Variants in SEC24B observed in about 807,000 individuals in gnomAD.
The protein encoded by SEC24B is protein transport protein Sec24B.
A neutral mutation model predicts 142.8 loss-of-function variants in SEC24B; 45 were observed. The ratio of observed to expected loss-of-function variants is 0.32; its 90% CI spans 0.25 to 0.40. The LOEUF is 0.40. Ranked by LOEUF, SEC24B falls within the 10% of genes least tolerant of loss-of-function variation. The pLI is 1.00. For synonymous variants in SEC24B, 574 were observed against 568.2 expected, an observed-to-expected ratio of 1.01 and a Z score of -0.15; for missense variants, 1,409 against 1,526.8, an observed-to-expected ratio of 0.92 and a Z score of 1.29.
At chr4:109,492,430 A>G (rs191834119) in intron 5 of SEC24B, among the ~76,000 whole-genome samples, 1 of 152,206 alleles carries the variant, frequency 6.6e-6, no homozygotes, top group African/African-American at 2.4e-5. Flanking sequence ...ATAGTATCCC[A>G]TGAGCTCTAG....
At position 109,483,062 on chromosome 4, in the gene SEC24B, A is replaced by G. The variant is rs796451219; in HGVS notation, c.1165+1281A>G. On this transcript the variant is annotated intron_variant, in intron 4 of 23. Transcript: ENST00000265175. The stretch of plus-strand genomic sequence containing the variant: ...TATATATGTATTTATGTATTTATAT[A>G]TATATATATATGTATGTATATATAT... Among the ~76,000 whole-genome samples, 11 of 132,778 alleles carry G rather than the reference A, an allele frequency of 8.3e-5. No homozygotes were observed. The South Asian group carries it at 1.1e-3, about 14-fold the overall frequency. 87.1% of individuals were successfully genotyped at this position (132,778 alleles called of 152,430 possible).
intron 7 of SEC24B, among the ~76,000 whole-genome samples, chr4:109,506,970 G>A (rs759402628): frequency 2.0e-5 from 3 of 152,010 alleles, no homozygotes; most frequent in Non-Finnish European, 4.4e-5. Flanking sequence ...TCAATATAGA[G>A]TATGAAGACC....
At chr4:109,471,854 C>T (rs1561100500) in intron 2 of SEC24B, among the ~76,000 whole-genome samples, 1 of 152,130 alleles carries the variant, frequency 6.6e-6, no homozygotes, top group African/African-American at 2.4e-5. Flanking sequence ...GACTTGTACA[C>T]TTTTATTTCT....
intron 6 of SEC24B, among the ~76,000 whole-genome samples, chr4:109,500,653 A>G (rs991751483): frequency 2.0e-5 from 3 of 152,076 alleles, no homozygotes; most frequent in Admixed American, 6.6e-5. Context: ...ATTACAGAAG[A>G]AAGAAAAATT....
chr4:109,452,701 C>G (rs1173795221), intron 1 of SEC24B, among the ~76,000 whole-genome samples: 2 of 152,130 alleles, frequency 1.3e-5, no homozygotes, highest in African/African-American at 4.8e-5. Context: ...TGGTGATTAT[C>G]TTTTCAGATG....
At position 109,499,150 on chromosome 4, in the gene SEC24B, C is replaced by T. The variant is rs1361889693; in HGVS notation, c.1488+4294C>T. The stretch of plus-strand genomic sequence containing the variant: ...GTCCTTCCAGGTTTCTTTCACTACA[C>T]CTTGCTAGGGAAGCCAGGCAAGAAG... On this transcript the variant is annotated intron_variant, in intron 6 of 23. Transcript: ENST00000265175. Among the ~76,000 whole-genome samples, 3 of 152,162 alleles carry T rather than the reference C, an allele frequency of 2.0e-5. No homozygotes were observed. In the East Asian group the frequency reaches 5.8e-4, roughly 29 times the overall value.
intron 22 of SEC24B, among the ~76,000 whole-genome samples, chr4:109,536,592 C>T (rs1482247891): frequency 6.6e-6 from 1 of 152,068 alleles, no homozygotes; most frequent in Non-Finnish European, 1.5e-5. Flanking sequence ...TGCAGTGGCG[C>T]AATCTTGGCT....
intron 3 of SEC24B, among the ~76,000 whole-genome samples, chr4:109,477,344 G>A (rs1406034227): frequency 2.6e-5 from 4 of 151,488 alleles, no homozygotes; most frequent in Non-Finnish European, 5.9e-5. Flanking sequence ...TTTGAGACAG[G>A]GTCTTGTTTT....
At chr4:109,498,696 ATATCT>A (rs1405477978) in intron 6 of SEC24B, among the ~76,000 whole-genome samples, 2 of 152,108 alleles carry the variant, frequency 1.3e-5, no homozygotes, top group Non-Finnish European at 1.5e-5. Flanking sequence ...TAGGGTAATA[ATATCT>A]TAGCTTAGCT....
chr4:109,492,315 G>A (rs1017302267), intron 5 of SEC24B, among the ~76,000 whole-genome samples: 2 of 152,174 alleles, frequency 1.3e-5, no homozygotes, highest in African/African-American at 4.8e-5. Flanking sequence ...GGAATTTTGT[G>A]TGTGTGTGTC....
intron 6 of SEC24B, among the ~76,000 whole-genome samples, chr4:109,497,484 A>G (rs1203460099): frequency 3.9e-5 from 6 of 152,212 alleles, no homozygotes; most frequent in African/African-American, 1.4e-4. Flanking sequence ...GTTATTAATC[A>G]CACTTAAGTG....
chr4:109,525,526 A>G (rs1162215305), intron 16 of SEC24B, 22 bp downstream of exon 16: 5 of 1,522,564 alleles, frequency 3.3e-6, no homozygotes, highest in Non-Finnish European at 4.5e-6. Context: ...TAAAAGTTAT[A>G]TTTTATATTA....
At chr4:109,448,591 C>T (rs11941344) in intron 1 of SEC24B, among the ~76,000 whole-genome samples, 26,522 of 151,622 alleles carry the variant, frequency 0.17, 2,614 homozygotes, top group African/African-American at 0.27. Context: ...CTTGCCACCA[C>T]GCCTGGCTAA....
intron 11 of SEC24B, 57 bp from the exon 12 acceptor site, chr4:109,520,309 T>G (rs1207211481): frequency 1.9e-5 from 19 of 1,007,964 alleles, no homozygotes; most frequent in Non-Finnish European, 2.9e-5. Context: ...CATTATTTTC[T>G]GAAATGAAAT....
At chr4:109,452,109 C>G (rs1730162636) in intron 1 of SEC24B, among the ~76,000 whole-genome samples, 1 of 151,924 alleles carries the variant, frequency 6.6e-6, no homozygotes, top group African/African-American at 2.4e-5. Flanking sequence ...GTCAGTACCT[C>G]TCACCAGCCC....
rs559532900 is a variant in SEC24B, at chr4:109,438,381, A to G, written c.133+4379A>G. 5.9e-5 allele frequency among the ~76,000 whole-genome samples: 9 copies of G among 152,316 alleles called. No individual in the cohort carries two copies. The South Asian group carries it at 1.9e-3, about 32-fold the overall frequency. On this transcript the variant is annotated intron_variant, in intron 1 of 23. Coordinates refer to ENST00000265175, the MANE Select transcript of SEC24B (RefSeq NM_006323.5). ...CAAGCTGGAGTACAGTGTTGCCATC[A>G]TAGCTCACTGCAGCCTTGAACTCCT... is the stretch of plus-strand genomic sequence containing the variant.
At position 109,520,560 on chromosome 4, in the gene SEC24B, T is replaced by G. The variant is rs1723496709; in HGVS notation, c.2245+76T>G. 5 of 821,420 alleles carry G rather than the reference T, an allele frequency of 6.1e-6. No homozygotes were observed. The East Asian group carries it at 1.2e-4, about 20-fold the overall frequency. The allele number at this position is 821,420 out of a possible 1,614,324, so 50.9% of individuals were successfully genotyped here. ...GGGCTACTTTATTTTAATATACACCTTGCTATATGCTGTGAGGATAATGTC... is the reference window on the plus strand; with the variant it reads ...GGGCTACTTTATTTTAATATACACCGTGCTATATGCTGTGAGGATAATGTC... On this transcript the variant is annotated intron_variant, in intron 12 of 23. Transcript: ENST00000265175.
chr4:109,459,078 T>C (rs1456745657), intron 1 of SEC24B, among the ~76,000 whole-genome samples: 1 of 152,224 alleles, frequency 6.6e-6, no homozygotes, highest in Non-Finnish European at 1.5e-5. Context: ...AAACATAATA[T>C]ATGTATATGT....
At chr4:109,495,702 C>T (rs541956308) in intron 6 of SEC24B, among the ~76,000 whole-genome samples, 2 of 152,268 alleles carry the variant, frequency 1.3e-5, no homozygotes, top group South Asian at 2.1e-4. Context: ...TTGGCCAGCA[C>T]CATCTTGTCT....
Sources: allele counts gnomAD v4.1 joint callset (sites outside exome capture counted in the v4.1 genomes callset), GRCh38; gene constraint gnomAD v4.1.1; transcripts MANE v1.5; gene names NCBI Gene and HGNC (gene_info 2026-07-23, HGNC 2026-07-21).